Variants in LRFN2 observed in about 807,000 individuals in gnomAD.
LRFN2 encodes leucine-rich repeat and fibronectin type-III domain-containing protein 2.
A neutral mutation model predicts 37.3 loss-of-function variants in LRFN2; 18 were observed. The ratio of observed to expected loss-of-function variants is 0.48; its 90% CI spans 0.33 to 0.72. LRFN2 has a LOEUF of 0.72. Ranked by LOEUF, LRFN2 falls within the 30% of genes least tolerant of loss-of-function variation. The probability of loss-of-function intolerance (pLI) is 0.02; values close to 1 mark genes in which losing one functional copy is unlikely to be tolerated. For missense variants in LRFN2, 1,006 were observed against 1,060.7 expected (o/e 0.95, Z 0.72); for synonymous variants, 556 against 466.6 (o/e 1.19, Z -2.47).
chr6:40,518,221 C>T (rs1162101874), intron 1 of LRFN2, among the ~76,000 whole-genome samples: 1 of 152,194 alleles, frequency 6.6e-6, no homozygotes, highest in Non-Finnish European at 1.5e-5. Context: ...TGGCCCTGTA[C>T]TAAGCATTTT....
chr6:40,536,176 G>C (rs547216578), intron 1 of LRFN2, among the ~76,000 whole-genome samples: 76 of 152,176 alleles, frequency 5.0e-4, no homozygotes, highest in African/African-American at 1.8e-3. Flanking sequence ...CTCGAGGAGA[G>C]AGCCAGGTGC....
At chr6:40,569,503 T>A (rs1324545572) in intron 1 of LRFN2, among the ~76,000 whole-genome samples, 1 of 152,174 alleles carries the variant, frequency 6.6e-6, no homozygotes, top group Admixed American at 6.5e-5. Flanking sequence ...CAGGACCATA[T>A]GGGGTTTATA....
Position 40,515,892 on chromosome 6 carries a change from C to CAAA in LRFN2, c.-19+71046_-19+71048dup, listed in dbSNP as rs71543993. Among the ~76,000 whole-genome samples, 91 of 91,400 alleles carry CAAA rather than the reference C, an allele frequency of 1.0e-3. 4 individuals carry two copies. Among genetic ancestry groups the CAAA allele is most frequent in the East Asian group, 1.4e-3 (4 of 2,936 alleles). 60.0% of individuals were successfully genotyped at this position (91,400 alleles called of 152,430 possible). A position where few individuals can be genotyped will look rare whatever the true frequency, so the allele number is the denominator to read the frequency against. On this transcript the variant is annotated intron_variant, in intron 1 of 2. Coordinates refer to ENST00000338305, the MANE Select transcript of LRFN2 (RefSeq NM_020737.3). ...TGGGCAGCAGAGTGAGACTCCATAT[C>CAAA]AAAAAAAAAAAAAAAAAAAAAAGAA...
intron 1 of LRFN2, among the ~76,000 whole-genome samples, chr6:40,469,122 G>T (rs376127444): frequency 6.6e-6 from 1 of 152,170 alleles, no homozygotes; most frequent in African/African-American, 2.4e-5. Flanking sequence ...GCACAGGAGG[G>T]GAAGACACAC....
intron 2 of LRFN2, among the ~76,000 whole-genome samples, chr6:40,404,246 T>A (rs1286031379): frequency 6.6e-6 from 1 of 152,254 alleles, no homozygotes; most frequent in Non-Finnish European, 1.5e-5. Context: ...TACTAGAATG[T>A]CAGCTCCCTG....
intron 2 of LRFN2, among the ~76,000 whole-genome samples, chr6:40,413,808 A>G (rs1303266604): frequency 6.7e-6 from 1 of 149,392 alleles, no homozygotes; most frequent in African/African-American, 2.4e-5. Context: ...CCCCTCCTGA[A>G]GCACCCACCT....
Position 40,433,121 on chromosome 6 carries a change from T to G in LRFN2, c.-8A>C. ...ACCAAGCAGGGTCTCCATGGTCTGGTCACTCAGCGCCTGGAAGGGAGAAAC... is the reference window on the plus strand; with the variant it reads ...ACCAAGCAGGGTCTCCATGGTCTGGGCACTCAGCGCCTGGAAGGGAGAAAC... On this transcript the variant is annotated 5_prime_UTR_variant, in exon 2 of 3. The change abolishes the stop of an existing upstream ORF in the 5' untranslated region. Transcript: ENST00000338305. 1 of 1,517,674 alleles carries G rather than the reference T, an allele frequency of 6.6e-7. No individual in the cohort carries two copies. The highest frequency in any genetic ancestry group is 8.8e-7 in the Non-Finnish European group (1 of 1,134,444). The allele number at this position is 1,517,674 out of a possible 1,614,324, so 94.0% of individuals were successfully genotyped here.
chr6:40,453,838 TG>T (rs1418372421), intron 1 of LRFN2, among the ~76,000 whole-genome samples: 1 of 152,316 alleles, frequency 6.6e-6, no homozygotes, highest in South Asian at 2.1e-4. Flanking sequence ...CTCTTTCGGA[TG>T]TGCCAAAGCT....
intron 2 of LRFN2, among the ~76,000 whole-genome samples, chr6:40,416,830 T>C (rs1763103473): frequency 1.3e-5 from 2 of 152,222 alleles, no homozygotes; most frequent in Admixed American, 1.3e-4. Context: ...CCCAGGTTTC[T>C]GCCCATTAAA....
chr6:40,438,416 C>A (rs1763744011), intron 1 of LRFN2, among the ~76,000 whole-genome samples: 1 of 152,190 alleles, frequency 6.6e-6, no homozygotes, highest in African/African-American at 2.4e-5. Context: ...ATCTGAGCAA[C>A]CTCGTGCAGT....
intron 1 of LRFN2, among the ~76,000 whole-genome samples, chr6:40,565,059 G>C (rs963771868): frequency 2.0e-5 from 3 of 152,172 alleles, no homozygotes; most frequent in Non-Finnish European, 4.4e-5. Flanking sequence ...GGAGTTTCTA[G>C]ACTTTCCCAA....
rs1763699278 is a variant in LRFN2 at position 40,437,099 on chromosome 6, C to T, written c.-18-3968G>A. On this transcript the variant is annotated intron_variant, in intron 1 of 2. Transcript: ENST00000338305. ...CAGTAAATGCATCAGTGTTCTAAGG[C>T]TAAACAGCACTTCCCAACATTTTCA... Among the ~76,000 whole-genome samples, 3 of 152,104 alleles carry T rather than the reference C, an allele frequency of 2.0e-5. No individual in the cohort carries two copies. In the South Asian group the frequency reaches 6.2e-4, roughly 32 times the overall value.
intron 2 of LRFN2, among the ~76,000 whole-genome samples, chr6:40,428,142 A>G (rs188022195): frequency 8.3e-4 from 126 of 152,380 alleles, no homozygotes; most frequent in Middle Eastern, 3.4e-3. Flanking sequence ...AATAGTGACC[A>G]GCACAAATAA....
intron 2 of LRFN2, among the ~76,000 whole-genome samples, chr6:40,402,696 C>T (rs1281107831): frequency 6.6e-6 from 1 of 152,178 alleles, no homozygotes; most frequent in Non-Finnish European, 1.5e-5. Context: ...TTGAACCCAG[C>T]ACTTTCACAT....
At chr6:40,423,806 G>A (rs150999104) in intron 2 of LRFN2, among the ~76,000 whole-genome samples, 14 of 152,214 alleles carry the variant, frequency 9.2e-5, no homozygotes, top group South Asian at 2.1e-4. Context: ...ATAAAAGGGC[G>A]ATGGGATCAC....
intron 1 of LRFN2, among the ~76,000 whole-genome samples, chr6:40,445,014 C>A (rs933881975): frequency 1.6e-4 from 24 of 152,080 alleles, no homozygotes; most frequent in African/African-American, 3.4e-4. Flanking sequence ...ACCTCACCCC[C>A]CCAGGGACCT....
At chr6:40,503,650 C>T (rs1474287881) in intron 1 of LRFN2, among the ~76,000 whole-genome samples, 2 of 152,184 alleles carry the variant, frequency 1.3e-5, no homozygotes, top group East Asian at 3.9e-4. Context: ...AAATGAAGGC[C>T]AAGAACAGAT....
intron 1 of LRFN2, among the ~76,000 whole-genome samples, chr6:40,574,954 G>A (rs2494942): frequency 0.49 from 74,706 of 152,028 alleles, 18,897 homozygotes; most frequent in African/African-American, 0.58. Context: ...TTCGCCATGA[G>A]TGTGACCTGG....
At chr6:40,397,712 A>G (rs992151396) in intron 2 of LRFN2, among the ~76,000 whole-genome samples, 1 of 152,230 alleles carries the variant, frequency 6.6e-6, no homozygotes, top group African/African-American at 2.4e-5. Context: ...CTTATTTATC[A>G]AGGGGCTAGT....
Sources: gnomAD v4.1 joint callset for allele counts (sites outside exome capture counted in the v4.1 genomes callset) on GRCh38, gnomAD v4.1.1 for gene constraint, MANE v1.5 for transcripts, NCBI Gene and HGNC (gene_info 2026-07-23, HGNC 2026-07-21) for gene names.